The following CADM2 variants were observed in gnomAD, a reference collection of about 807,000 sequenced individuals.
The protein encoded by CADM2 is immunoglobulin superfamily member 4D.
In CADM2, 12 loss-of-function variants were observed where a neutral mutation model predicts 49.8. The ratio of observed to expected loss-of-function variants is 0.24; its 90% CI spans 0.15 to 0.39. The LOEUF is 0.39. Among genes scored for constraint, CADM2 ranks in the 10% least tolerant of loss-of-function variants. The pLI, the probability that CADM2 is intolerant of heterozygous loss-of-function variation, is 1.00. For missense variants in CADM2, 378 were observed against 492.3 expected, an observed-to-expected ratio of 0.77 and a Z score of 2.20; for synonymous variants, 214 against 175.4, an observed-to-expected ratio of 1.22 and a Z score of -1.74.
intron 1 of CADM2, among the ~76,000 whole-genome samples, chr3:85,649,879 C>A (rs2064994013): frequency 6.6e-6 from 1 of 152,030 alleles, no homozygotes; most frequent in Non-Finnish European, 1.5e-5. Flanking sequence ...TGAAGGACAA[C>A]CAGGTCTGTG....
chr3:85,642,016 C>T (rs2064732992), intron 1 of CADM2, among the ~76,000 whole-genome samples: 1 of 152,000 alleles, frequency 6.6e-6, no homozygotes, highest in Non-Finnish European at 1.5e-5. Flanking sequence ...TCTCCTTGAC[C>T]TTCAAAACAG....
chr3:85,966,362 T>C (rs1725472685), intron 8 of CADM2, among the ~76,000 whole-genome samples: 1 of 151,634 alleles, frequency 6.6e-6, no homozygotes, highest in Admixed American at 6.6e-5. Context: ...AATATTCCCC[T>C]TTCCTTTTCA....
rs977070120 is a variant in CADM2 at position 85,748,442 on chromosome 3, A to T, written c.88+21894A>T. 1.3e-5 allele frequency among the ~76,000 whole-genome samples: 2 copies of T among 151,950 alleles called. 1 individual carries two copies. Among genetic ancestry groups the T allele is most frequent in the Admixed American group, 1.3e-4 (2 of 15,212 alleles). ...TTCTAGTCAATTTATTTCTCTACCC[A>T]GGTTTCTGATGGGTATCTGTGTTTG... On this transcript the variant is annotated intron_variant, in intron 2 of 9. Coordinates refer to ENST00000383699, the MANE Select transcript of CADM2 (RefSeq NM_001167675.2).
intron 1 of CADM2, among the ~76,000 whole-genome samples, chr3:85,709,659 C>G (rs1219417294): frequency 6.6e-6 from 1 of 152,090 alleles, no homozygotes; most frequent in Non-Finnish European, 1.5e-5. Context: ...TATTATATAT[C>G]TCATTTCAAT....
Position 85,150,411 on chromosome 3 carries a change from T to C in CADM2, c.61+190743T>C, listed in dbSNP as rs530192867. On this transcript the variant is annotated intron_variant, in intron 1 of 9. Transcript: ENST00000383699. The stretch of plus-strand genomic sequence containing the variant: ...ACTTTTAAAATACATTTAAAATTTA[T>C]GTATTGGCAATAAAACAGTCATTTA... Among the ~76,000 whole-genome samples, 5 of 152,306 alleles carry C rather than the reference T, an allele frequency of 3.3e-5. No individual in the cohort carries two copies. In the East Asian group the frequency reaches 7.7e-4, roughly 24 times the overall value.
At chr3:85,701,640 T>G (rs571220868) in intron 1 of CADM2, among the ~76,000 whole-genome samples, 1 of 152,302 alleles carries the variant, frequency 6.6e-6, no homozygotes, top group Non-Finnish European at 1.5e-5. Flanking sequence ...CATTCCCTTT[T>G]GTGCCATCAT....
chr3:85,713,274 A>G (rs2067173996), intron 1 of CADM2, among the ~76,000 whole-genome samples: 1 of 151,874 alleles, frequency 6.6e-6, no homozygotes, highest in South Asian at 2.1e-4. Flanking sequence ...ATTTTTTTGT[A>G]TTTTTTAGTA....
chr3:85,542,636 T>G (rs1400492910), intron 1 of CADM2, among the ~76,000 whole-genome samples: 2 of 152,168 alleles, frequency 1.3e-5, no homozygotes, highest in Non-Finnish European at 2.9e-5. Flanking sequence ...AGCTTACATA[T>G]AAATATATTG....
intron 1 of CADM2, among the ~76,000 whole-genome samples, chr3:85,652,768 TTTTC>T (rs2065082957): frequency 8.1e-6 from 1 of 123,614 alleles, no homozygotes; most frequent in Non-Finnish European, 1.6e-5. Context: ...TCTTTTTTTC[TTTTC>T]TTTTTTTTTT....
At chr3:85,830,824 T>C (rs1171640291) in intron 3 of CADM2, among the ~76,000 whole-genome samples, 1 of 147,922 alleles carries the variant, frequency 6.8e-6, no homozygotes, top group African/African-American at 2.4e-5. Flanking sequence ...TTTATTTATT[T>C]ATTTATTTAT....
intron 1 of CADM2, among the ~76,000 whole-genome samples, chr3:85,100,852 G>T (rs2037984095): frequency 6.6e-6 from 1 of 152,174 alleles, no homozygotes; most frequent in Non-Finnish European, 1.5e-5. Flanking sequence ...ATTAGATCCA[G>T]TGTAAAGTGG....
intron 1 of CADM2, among the ~76,000 whole-genome samples, chr3:85,085,767 T>A (rs1480208886): frequency 6.6e-6 from 1 of 152,204 alleles, no homozygotes; most frequent in East Asian, 1.9e-4. Context: ...TATAACGAGT[T>A]GACCCCATCC....
At chr3:85,978,459 A>G (rs1445189761) in intron 8 of CADM2, among the ~76,000 whole-genome samples, 2 of 151,596 alleles carry the variant, frequency 1.3e-5, no homozygotes, top group African/African-American at 2.4e-5. Flanking sequence ...TAAACCTTTC[A>G]GAATATCGGG....
intron 1 of CADM2, among the ~76,000 whole-genome samples, chr3:85,510,597 C>A (rs1038613237): frequency 6.6e-6 from 1 of 151,760 alleles, no homozygotes; most frequent in South Asian, 2.1e-4. Flanking sequence ...TTGAGCTTTA[C>A]GAAGTTAAAT....
chr3:85,255,458 T>C lies in CADM2; in HGVS notation c.61+295790T>C, dbSNP rs181249974. 5.3e-4 allele frequency among the ~76,000 whole-genome samples: 80 copies of C among 152,134 alleles called. 1 individual carries two copies. Among genetic ancestry groups the C allele is most frequent in the African/African-American group, 1.7e-3 (70 of 41,526 alleles). On this transcript the variant is annotated intron_variant, in intron 1 of 9. Coordinates refer to ENST00000383699, the MANE Select transcript of CADM2 (RefSeq NM_001167675.2). ...GTGGAATGAATGAATGACAAAGCCA[T>C]ACATGAAGGCCCTAAAATCTTGGCT... is the stretch of plus-strand genomic sequence containing the variant.
intron 2 of CADM2, among the ~76,000 whole-genome samples, chr3:85,739,935 A>G (rs2068308494): frequency 6.6e-6 from 1 of 152,164 alleles, no homozygotes; most frequent in Admixed American, 6.5e-5. Context: ...TTAGAGTAAT[A>G]TGCAAAGTGC....
intron 1 of CADM2, among the ~76,000 whole-genome samples, chr3:85,293,004 G>T (rs892831131): frequency 2.0e-5 from 3 of 152,074 alleles, no homozygotes; most frequent in Non-Finnish European, 4.4e-5. Context: ...TCCAGGAGCT[G>T]GTTTTTTGAA....
chr3:85,767,498 G>C (rs749857807), intron 2 of CADM2, among the ~76,000 whole-genome samples: 4 of 152,078 alleles, frequency 2.6e-5, no homozygotes, highest in Non-Finnish European at 5.9e-5. Flanking sequence ...TCACTTACTA[G>C]TGCAAATTTA....
chr3:85,072,068 G>C (rs1271255209), intron 1 of CADM2, among the ~76,000 whole-genome samples: 3 of 151,266 alleles, frequency 2.0e-5, no homozygotes, highest in African/African-American at 7.3e-5. Flanking sequence ...TCTATAAGAA[G>C]TTAATTATTA....
Sources: allele counts gnomAD v4.1 joint callset (sites outside exome capture counted in the v4.1 genomes callset), GRCh38; gene constraint gnomAD v4.1.1; transcripts MANE v1.5; gene names NCBI Gene and HGNC (gene_info 2026-07-23, HGNC 2026-07-21).